DOCK9: variants seen among roughly 807,000 people sequenced by gnomAD.
DOCK9 encodes the protein dedicator of cytokinesis 9.
DOCK9 carries 89 observed loss-of-function variants against 263.3 expected under a neutral mutation model. The ratio of observed to expected loss-of-function variants is 0.34; its 90% CI spans 0.28 to 0.40. The LOEUF (loss-of-function observed/expected upper bound fraction) is 0.40. Ranked by LOEUF, DOCK9 falls within the 10% of genes least tolerant of loss-of-function variation. DOCK9 has a pLI of 1.00. For missense variants in DOCK9, 2,140 were observed against 2,603.4 expected, an observed-to-expected ratio of 0.82 and a Z score of 3.87; for synonymous variants, 976 against 973.1, an observed-to-expected ratio of 1.00 and a Z score of -0.06.
Position 98,796,986 on chromosome 13 carries a change from T to C in DOCK9, c.6156+129A>G. ...ACCTGGGGCTAGAGCATGGCAGGAG[T>C]GTGGTATGCTACATTCTCCTTCAGA... On this transcript the variant is annotated intron_variant, in intron 52 of 52. Transcript: ENST00000682017. 3.2e-6 allele frequency: 3 copies of C among 923,254 alleles called. No individual in the cohort carries two copies. The South Asian group carries it at 4.8e-5, about 15-fold the overall frequency. 57.2% of individuals were successfully genotyped at this position (923,254 alleles called of 1,614,324 possible). A position where few individuals can be genotyped will look rare whatever the true frequency, so the allele number is the denominator to read the frequency against.
intron 29 of DOCK9, 41 bp downstream of exon 29, chr13:98,867,887 T>G (rs368023171): frequency 6.5e-7 from 1 of 1,529,876 alleles, no homozygotes; most frequent in Non-Finnish European, 9.0e-7. Context: ...AGAGAAAGGC[T>G]ACATGGTGAC....
intron 1 of DOCK9, among the ~76,000 whole-genome samples, chr13:99,081,631 A>G (rs2042124676): frequency 6.6e-6 from 1 of 152,238 alleles, no homozygotes; most frequent in South Asian, 2.1e-4. Flanking sequence ...GGACACTTGT[A>G]GGCTTTGAGT....
At position 98,913,256 on chromosome 13, in the gene DOCK9, A is replaced by G. The variant is rs576178881; in HGVS notation, c.960+1072T>C. Among the ~76,000 whole-genome samples, 257 of 152,288 alleles carry G rather than the reference A, an allele frequency of 1.7e-3. 1 individual carries two copies. Among genetic ancestry groups the G allele is most frequent in the African/African-American group, 5.9e-3 (244 of 41,572 alleles). On this transcript the variant is annotated intron_variant, in intron 9 of 52. Coordinates refer to ENST00000682017, the MANE Select transcript of DOCK9 (RefSeq NM_001366683.2). The stretch of plus-strand genomic sequence containing the variant: ...TATAGTGTTTAAGATGTGGGTGTGG[A>G]GGGTCGCCATTTCACTCTAGTATCA...
chr13:99,010,163 T>C (rs1380638032), intron 1 of DOCK9, among the ~76,000 whole-genome samples: 1 of 152,240 alleles, frequency 6.6e-6, no homozygotes, highest in Non-Finnish European at 1.5e-5. Context: ...GACAGGGTCC[T>C]AGCTGCTGTT....
In DOCK9 at chr13:98,903,119, A is replaced by G; in HGVS notation, c.1036-7T>C. ...CTGATGAGAAGTCAAGCTTCTTTAA[A>G]AGAAAATGTAAACATATAAATAAGT... is the stretch of plus-strand genomic sequence containing the variant. On this transcript the variant is annotated splice_polypyrimidine_tract_variant and splice_region_variant and intron_variant, in intron 10 of 52. Coordinates refer to ENST00000682017, the MANE Select transcript of DOCK9 (RefSeq NM_001366683.2). 2 of 1,497,178 alleles carry G rather than the reference A, an allele frequency of 1.3e-6. No individual in the cohort carries two copies. Among genetic ancestry groups the G allele is most frequent in the South Asian group, 2.7e-5 (2 of 75,268 alleles). 92.7% of individuals were successfully genotyped at this position (1,497,178 alleles called of 1,614,324 possible).
At position 99,044,534 on chromosome 13, in the gene DOCK9, C is replaced by T. The variant is rs1888771410; in HGVS notation, c.129+41689G>A. On this transcript the variant is annotated intron_variant, in intron 1 of 32. Transcript: ENST00000427887. ...CACCATGGCAACCAGAAAGGAACAC[C>T]AGACTATTATGTATGAATACCACGA... Among the ~76,000 whole-genome samples, 5 of 152,276 alleles carry T rather than the reference C, an allele frequency of 3.3e-5. No homozygotes were observed. The South Asian group carries it at 1.0e-3, about 32-fold the overall frequency.
chr13:98,822,753 G>A (rs1296601836), intron 45 of DOCK9, among the ~76,000 whole-genome samples: 4 of 152,182 alleles, frequency 2.6e-5, no homozygotes, highest in Admixed American at 1.3e-4. Context: ...TTAAAACCAC[G>A]TAATAACCAA....
At chr13:98,989,817 G>C (rs1225802959) in intron 1 of DOCK9, among the ~76,000 whole-genome samples, 1 of 151,946 alleles carries the variant, frequency 6.6e-6, no homozygotes, top group African/African-American at 2.4e-5. Context: ...TTTTATATAG[G>C]GTTCATGCTA....
chr13:98,817,302 C>G (rs1317778139), intron 45 of DOCK9, among the ~76,000 whole-genome samples: 1 of 152,116 alleles, frequency 6.6e-6, no homozygotes, highest in Non-Finnish European at 1.5e-5. Context: ...CCTTCACCTT[C>G]TGCCATGATT....
Position 98,937,713 on chromosome 13 carries a change from C to CTT in DOCK9, c.244-7458_244-7457dup, listed in dbSNP as rs34325473. Among the ~76,000 whole-genome samples the CTT allele has an allele frequency of 1.8e-3, 261 of 146,326 alleles. 1 individual carries two copies. The highest frequency in any genetic ancestry group is 5.3e-3 in the South Asian group (25 of 4,678). On this transcript the variant is annotated intron_variant, in intron 2 of 52. Coordinates refer to ENST00000682017, the MANE Select transcript of DOCK9 (RefSeq NM_001366683.2). ...ATTTATGGGACAGTTTTTTGTTTTG[C>CTT]TTTTTTTTTTTTTTTAACAGAATGA...
In DOCK9 at chr13:99,026,094, A is replaced by G. The variant is rs1215104993; in HGVS notation, c.129+60129T>C. Among the ~76,000 whole-genome samples, 439 of 45,170 alleles carry G rather than the reference A, an allele frequency of 9.7e-3. 2 individuals carry two copies. Among genetic ancestry groups the G allele is most frequent in the African/African-American group, 0.032 (418 of 13,178 alleles). 29.6% of individuals were successfully genotyped at this position (45,170 alleles called of 152,430 possible). The stretch of plus-strand genomic sequence containing the variant: ...TCCGTCTCAAAAAAAAAAAAAAAAA[A>G]AAAAACAGTTCCCTAGGGCTAGGGG... On this transcript the variant is annotated intron_variant, in intron 1 of 32. Transcript: ENST00000427887.
intron 7 of DOCK9, among the ~76,000 whole-genome samples, chr13:98,919,126 T>C (rs1028484893): frequency 1.3e-5 from 2 of 151,550 alleles, no homozygotes. Context: ...CTTTTTTTTT[T>C]TGAGATGGAG....
At chr13:98,885,291 C>T in intron 20 of DOCK9, 199 bp from the exon 21 acceptor site, 1 of 717,594 alleles carries the variant, frequency 1.4e-6, no homozygotes, top group Non-Finnish European at 2.2e-6. Flanking sequence ...TAGAATTCTA[C>T]AATCTTCTTT....
At chr13:98,903,209 G>C in intron 10 of DOCK9, 97 bp from the exon 11 acceptor site, 1 of 999,486 alleles carries the variant, frequency 1.0e-6, no homozygotes, top group South Asian at 2.0e-5. Context: ...ATATGGAAAA[G>C]CTATATACAC....
intron 2 of DOCK9, among the ~76,000 whole-genome samples, chr13:98,931,753 A>G (rs2053977582): frequency 6.6e-6 from 1 of 151,768 alleles, no homozygotes; most frequent in African/African-American, 2.4e-5. Flanking sequence ...GGGCGCCACC[A>G]CACCCGCCTA....
chr13:98,951,625 A>G (rs9557096), intron 2 of DOCK9, among the ~76,000 whole-genome samples: 62,906 of 152,080 alleles, frequency 0.41, 13,331 homozygotes, highest in East Asian at 0.56. Flanking sequence ...GGCAGTAGGA[A>G]AGGAATTGAG....
intron 15 of DOCK9, among the ~76,000 whole-genome samples, chr13:98,895,882 C>A (rs1398513429): frequency 6.6e-6 from 1 of 152,070 alleles, no homozygotes; most frequent in African/African-American, 2.4e-5. Flanking sequence ...GATCCAGGGG[C>A]ACTCCCTGGC....
At chr13:98,830,622 C>T (rs1430743561) in intron 41 of DOCK9, among the ~76,000 whole-genome samples, 1 of 152,212 alleles carries the variant, frequency 6.6e-6, no homozygotes, top group Non-Finnish European at 1.5e-5. Context: ...TGATCTTCAA[C>T]CATGAGCCCC....
chr13:99,005,690 C>A (rs1232600537), intron 1 of DOCK9, among the ~76,000 whole-genome samples: 2 of 152,172 alleles, frequency 1.3e-5, no homozygotes, highest in African/African-American at 4.8e-5. Flanking sequence ...CAGGGCACAG[C>A]AAACTTTTTG....
Sources: gnomAD v4.1 joint callset for allele counts (sites outside exome capture counted in the v4.1 genomes callset) on GRCh38, gnomAD v4.1.1 for gene constraint, MANE v1.5 for transcripts, NCBI Gene and HGNC (gene_info 2026-07-23, HGNC 2026-07-21) for gene names.